Variants in ETV6 observed in about 807,000 individuals in gnomAD.
The protein encoded by ETV6 is transcription factor ETV6.
In ETV6, 16 loss-of-function variants were observed where a neutral mutation model predicts 51.1. The ratio of observed to expected loss-of-function variants is 0.31; its 90% CI spans 0.21 to 0.48. ETV6 has a LOEUF of 0.48. ETV6 is among the 20% of genes least tolerant of loss of function. The pLI, the probability that ETV6 is intolerant of heterozygous loss-of-function variation, is 0.99. For missense variants in ETV6, 458 were observed against 594.8 expected, an observed-to-expected ratio of 0.77 and a Z score of 2.39; for synonymous variants, 240 against 224.1, an observed-to-expected ratio of 1.07 and a Z score of -0.64.
chr12:11,799,421 T>C (rs1310495289), intron 2 of ETV6, among the ~76,000 whole-genome samples: 1 of 152,178 alleles, frequency 6.6e-6, no homozygotes, highest in Non-Finnish European at 1.5e-5. Flanking sequence ...CCACCAACTG[T>C]TTGGAATCTC....
At chr12:11,808,873 A>C (rs991756184) in intron 2 of ETV6, among the ~76,000 whole-genome samples, 5 of 152,158 alleles carry the variant, frequency 3.3e-5, no homozygotes, top group African/African-American at 1.2e-4. Context: ...CCTACTTAAA[A>C]ATGACAAGGG....
rs140236469 is a variant in ETV6, at chr12:11,894,145, C to G, written c.*3099C>G. On this transcript the variant is annotated 3_prime_UTR_variant, in exon 8 of 8. Coordinates refer to ENST00000396373, the MANE Select transcript of ETV6 (RefSeq NM_001987.5). Reference sequence around the variant, plus strand: ...CTGAGGGACCCAAAGCTCAATCAGCCATAATCCCTGCTTTCAGAGTTTATA... The same window carrying G: ...CTGAGGGACCCAAAGCTCAATCAGCGATAATCCCTGCTTTCAGAGTTTATA... 1 of 231,118 alleles carries G rather than the reference C, an allele frequency of 4.3e-6. No individual in the cohort carries two copies. The highest frequency in any genetic ancestry group is 2.2e-5 in the African/African-American group (1 of 45,176). 14.3% of individuals were successfully genotyped at this position (231,118 alleles called of 1,614,324 possible). A position where few individuals can be genotyped will look rare whatever the true frequency, so the allele number is the denominator to read the frequency against.
intron 1 of ETV6, among the ~76,000 whole-genome samples, chr12:11,718,635 A>G (rs919580387): frequency 1.3e-5 from 2 of 150,602 alleles, no homozygotes; most frequent in Non-Finnish European, 3.0e-5. Flanking sequence ...TTAGTTGGGC[A>G]TGGTGGTGTG....
rs1393751275 is a variant in ETV6 at position 11,859,887 on chromosome 12, A to T, written c.463+6326A>T. On this transcript the variant is annotated intron_variant, in intron 4 of 7. Coordinates refer to ENST00000396373, the MANE Select transcript of ETV6 (RefSeq NM_001987.5). ...CTTACATTACTGCCAAATTTGTACT[A>T]AACAATGTCAAAGATGACTTCTGGG... Among the ~76,000 whole-genome samples the T allele has an allele frequency of 3.9e-5, 6 of 152,322 alleles. No homozygotes were observed. In the East Asian group the frequency reaches 1.2e-3, roughly 29 times the overall value.
At chr12:11,650,547 C>T (rs1863886459) in intron 1 of ETV6, among the ~76,000 whole-genome samples, 1 of 138,898 alleles carries the variant, frequency 7.2e-6, no homozygotes, top group Admixed American at 7.4e-5. Context: ...CAACATGTGA[C>T]TGAAATATAA....
At chr12:11,700,496 T>C (rs1245322115) in intron 1 of ETV6, among the ~76,000 whole-genome samples, 5 of 152,220 alleles carry the variant, frequency 3.3e-5, no homozygotes, top group Admixed American at 6.5e-5. Context: ...TTCTGAGTTA[T>C]GTATATAACT....
chr12:11,686,376 T>G (rs1038904115), intron 1 of ETV6, among the ~76,000 whole-genome samples: 2 of 152,206 alleles, frequency 1.3e-5, no homozygotes, highest in African/African-American at 4.8e-5. Context: ...AAAGGTGAAG[T>G]AGGAAATTAC....
At chr12:11,890,232 T>A (rs977576116) in intron 7 of ETV6, among the ~76,000 whole-genome samples, 1 of 151,192 alleles carries the variant, frequency 6.6e-6, no homozygotes, top group African/African-American at 2.4e-5. Context: ...GAAATTTAAG[T>A]AAGTTTTGAA....
At chr12:11,811,327 A>G (rs1711903485) in intron 2 of ETV6, among the ~76,000 whole-genome samples, 2 of 152,268 alleles carry the variant, frequency 1.3e-5, no homozygotes, top group Admixed American at 6.5e-5. Flanking sequence ...GATAATTCCA[A>G]GAAGCAGTGT....
intron 2 of ETV6, among the ~76,000 whole-genome samples, chr12:11,786,701 T>A (rs1471109343): frequency 6.6e-6 from 1 of 152,210 alleles, no homozygotes; most frequent in African/African-American, 2.4e-5. Flanking sequence ...GCCAGGTGAT[T>A]TCTAAAGACT....
At chr12:11,711,252 C>A (rs2120882044) in intron 1 of ETV6, among the ~76,000 whole-genome samples, 1 of 152,322 alleles carries the variant, frequency 6.6e-6, no homozygotes, top group African/African-American at 2.4e-5. Context: ...TCAGCACAAA[C>A]TCAACCCGTT....
chr12:11,752,622 G>A lies in ETV6; in HGVS notation c.163+43G>A, dbSNP rs544148425. 4.6e-5 allele frequency: 73 copies of A among 1,575,100 alleles called. 1 individual carries two copies. In the East Asian group the frequency reaches 1.5e-3, roughly 32 times the overall value. On this transcript the variant is annotated intron_variant, in intron 2 of 7. Coordinates refer to ENST00000396373, the MANE Select transcript of ETV6 (RefSeq NM_001987.5). ...GAGAGGGACAGAGGATTGATGGCGTGGGGCGGGGGTGGCAGGCAGTGGGCT... is the reference window on the plus strand; with the variant it reads ...GAGAGGGACAGAGGATTGATGGCGTAGGGCGGGGGTGGCAGGCAGTGGGCT...
In ETV6 at chr12:11,807,460, T is replaced by C. The variant is rs138865706; in HGVS notation, c.164-31680T>C. 2.7e-3 allele frequency among the ~76,000 whole-genome samples: 409 copies of C among 152,284 alleles called. 3 individuals carry two copies. The highest frequency in any genetic ancestry group is 9.6e-3 in the African/African-American group (399 of 41,560). ...AAACGGTAACCCTGGGCAGGAATCT[T>C]TAAGTTTTCAGGGCTCATTAGACAG... On this transcript the variant is annotated intron_variant, in intron 2 of 7. Coordinates refer to ENST00000396373, the MANE Select transcript of ETV6 (RefSeq NM_001987.5).
At chr12:11,665,608 GTATT>G (rs1443150792) in intron 1 of ETV6, among the ~76,000 whole-genome samples, 4 of 152,188 alleles carry the variant, frequency 2.6e-5, no homozygotes, top group Admixed American at 6.5e-5. Flanking sequence ...TAATCAGTAG[GTATT>G]TATTAAGCTT....
intron 3 of ETV6, among the ~76,000 whole-genome samples, chr12:11,841,269 C>T (rs1166230248): frequency 1.3e-5 from 2 of 152,146 alleles, no homozygotes; most frequent in Non-Finnish European, 2.9e-5. Flanking sequence ...TCAGGTGGGC[C>T]ATGTGGAAGA....
chr12:11,872,423 T>C (rs1418931087), intron 5 of ETV6, among the ~76,000 whole-genome samples: 1 of 152,216 alleles, frequency 6.6e-6, no homozygotes, highest in Non-Finnish European at 1.5e-5. Flanking sequence ...TGGTTTAGAC[T>C]TGAGGAGTTA....
chr12:11,843,628 T>C (rs1261848964), intron 3 of ETV6, among the ~76,000 whole-genome samples: 1 of 152,138 alleles, frequency 6.6e-6, no homozygotes, highest in Non-Finnish European at 1.5e-5. Flanking sequence ...CTCTCCAATG[T>C]AGAGAGGAGA....
intron 1 of ETV6, among the ~76,000 whole-genome samples, chr12:11,708,150 C>G (rs1865107358): frequency 6.6e-6 from 1 of 152,008 alleles, no homozygotes; most frequent in African/African-American, 2.4e-5. Flanking sequence ...GTTCTCACTA[C>G]CACATCCAGC....
intron 5 of ETV6, among the ~76,000 whole-genome samples, chr12:11,881,414 C>G (rs1212735580): frequency 6.6e-6 from 1 of 152,238 alleles, no homozygotes; most frequent in Non-Finnish European, 1.5e-5. Context: ...CTCTGACAAA[C>G]TGCCGTAGAC....
Sources: allele counts gnomAD v4.1 joint callset (sites outside exome capture counted in the v4.1 genomes callset), GRCh38; gene constraint gnomAD v4.1.1; transcripts MANE v1.5; gene names NCBI Gene and HGNC (gene_info 2026-07-23, HGNC 2026-07-21).